AGBL4: variants seen among roughly 807,000 people sequenced by gnomAD.
AGBL4 encodes AGBL carboxypeptidase 4.
In AGBL4, 58 loss-of-function variants were observed where a neutral mutation model predicts 66.4. That is an observed-to-expected ratio of 0.87 (90% CI 0.71 to 1.09). The LOEUF (loss-of-function observed/expected upper bound fraction) is 1.09, where lower values mean the gene tolerates loss of function less well. Among genes scored for constraint, AGBL4 ranks in the 50% least tolerant of loss-of-function variants. AGBL4 has a pLI of 0.00. For synonymous variants in AGBL4, 234 were observed against 222.9 expected (o/e 1.05, Z -0.44); for missense variants, 579 against 631.0 (o/e 0.92, Z 0.88).
chr1:49,991,421 A>T (rs902117737), intron 1 of AGBL4, among the ~76,000 whole-genome samples: 8 of 152,192 alleles, frequency 5.3e-5, no homozygotes, highest in African/African-American at 1.9e-4. Context: ...ATATATTGCA[A>T]TCTTTATAAT....
At chr1:49,534,791 C>T (rs895618334) in intron 3 of AGBL4, among the ~76,000 whole-genome samples, 1 of 152,200 alleles carries the variant, frequency 6.6e-6, no homozygotes, top group African/African-American at 2.4e-5. Context: ...GTACAAAGGT[C>T]ACATTTCAGT....
chr1:48,522,925 CAA>C, the AGBL4 span, among the ~76,000 whole-genome samples: 1,238 of 133,590 alleles, frequency 9.3e-3, 10 homozygotes, highest in Non-Finnish European at 0.01. Flanking sequence ...GACTCCATCT[CAA>C]AAAAAAAAAA....
At chr1:49,876,940 C>T (rs1475800427) in intron 1 of AGBL4, among the ~76,000 whole-genome samples, 7 of 151,536 alleles carry the variant, frequency 4.6e-5, no homozygotes, top group Non-Finnish European at 8.8e-5. Context: ...GGAGTTCACT[C>T]ATTATTTGGC....
Position 48,534,051 on chromosome 1 carries a change from C to T in AGBL4, c.*122G>A, listed in dbSNP as rs1316415837. 2 of 1,434,538 alleles carry T rather than the reference C, an allele frequency of 1.4e-6. No homozygotes were observed. The highest frequency in any genetic ancestry group is 1.2e-5 in the South Asian group (1 of 80,828). 88.9% of individuals were successfully genotyped at this position (1,434,538 alleles called of 1,614,324 possible). A position where few individuals can be genotyped will look rare whatever the true frequency, so the allele number is the denominator to read the frequency against. Reference sequence around the variant, plus strand: ...ATGAAGTTTCTCATTGTATCCCTTCCCTTTCACTAGCCTATGCATTAATCC... The same window carrying T: ...ATGAAGTTTCTCATTGTATCCCTTCTCTTTCACTAGCCTATGCATTAATCC... On this transcript the variant is annotated 3_prime_UTR_variant, in exon 14 of 14. Coordinates refer to ENST00000371839, the MANE Select transcript of AGBL4 (RefSeq NM_032785.4).
chr1:49,186,224 C>G (rs767104786), intron 4 of AGBL4, among the ~76,000 whole-genome samples: 2 of 152,118 alleles, frequency 1.3e-5, no homozygotes, highest in African/African-American at 4.8e-5. Context: ...TCATATGCCC[C>G]TCTCCCTAGA....
intron 2 of AGBL4, among the ~76,000 whole-genome samples, chr1:49,772,040 G>T (rs1191623796): frequency 2.6e-5 from 4 of 151,944 alleles, no homozygotes; most frequent in African/African-American, 9.7e-5. Flanking sequence ...TTGTTTTGTA[G>T]ATCCCTTCTT....
intron 2 of AGBL4, chr1:49,841,745 T>G: frequency 3.5e-6 from 1 of 287,122 alleles, no homozygotes; most frequent in Non-Finnish European, 6.7e-6. Flanking sequence ...GCATTCAGTT[T>G]TATAAGGGAA....
At chr1:49,968,612 G>A (rs1657774834) in intron 1 of AGBL4, among the ~76,000 whole-genome samples, 1 of 152,126 alleles carries the variant, frequency 6.6e-6, no homozygotes, top group South Asian at 2.1e-4. Context: ...AGCCTCTACT[G>A]CAGCTAAGTT....
chr1:49,449,118 T>A (rs1646222951), intron 3 of AGBL4, among the ~76,000 whole-genome samples: 1 of 152,008 alleles, frequency 6.6e-6, no homozygotes, highest in Non-Finnish European at 1.5e-5. Flanking sequence ...ATAAACCTGA[T>A]GATATATATA....
chr1:49,754,351 G>T (rs1169614504), intron 2 of AGBL4, among the ~76,000 whole-genome samples: 5 of 151,264 alleles, frequency 3.3e-5, no homozygotes, highest in Non-Finnish European at 7.4e-5. Context: ...CATTGTGCAG[G>T]TTAGTTACAT....
At chr1:49,203,675 A>G (rs1647900302) in intron 4 of AGBL4, among the ~76,000 whole-genome samples, 1 of 152,178 alleles carries the variant, frequency 6.6e-6, no homozygotes, top group Non-Finnish European at 1.5e-5. Context: ...ATGGTGGCCC[A>G]TGCCTGTAAT....
intron 6 of AGBL4, chr1:48,776,900 G>A (rs1274142059): frequency 5.9e-6 from 6 of 1,009,534 alleles, no homozygotes; most frequent in Admixed American, 7.7e-5. Context: ...GTGGGGATCC[G>A]GCGGGGGGCG....
intron 9 of AGBL4, among the ~76,000 whole-genome samples, chr1:48,605,492 A>G (rs1444542983): frequency 6.6e-6 from 1 of 152,020 alleles, no homozygotes; most frequent in Non-Finnish European, 1.5e-5. Context: ...CCCTTCCTCT[A>G]AAGGCTTCCC....
intron 6 of AGBL4, among the ~76,000 whole-genome samples, chr1:48,718,006 T>G (rs1471358970): frequency 6.6e-6 from 1 of 152,232 alleles, no homozygotes; most frequent in Non-Finnish European, 1.5e-5. Flanking sequence ...TTCCTGATTC[T>G]AGGCTGGGGA....
At chr1:49,428,180 CT>C (rs1473285778) in intron 3 of AGBL4, among the ~76,000 whole-genome samples, 1 of 152,156 alleles carries the variant, frequency 6.6e-6, no homozygotes, top group Non-Finnish European at 1.5e-5. Flanking sequence ...TAGTTACTAA[CT>C]TTTTTTCCAC....
intron 5 of AGBL4, among the ~76,000 whole-genome samples, chr1:48,879,514 T>G (rs1649557242): frequency 1.3e-5 from 2 of 150,746 alleles, no homozygotes; most frequent in South Asian, 4.1e-4. Context: ...TTTATTGAAC[T>G]GCTTTTATTT....
At chr1:48,746,101 CTTG>C (rs1248558206) in intron 6 of AGBL4, among the ~76,000 whole-genome samples, 3 of 152,136 alleles carry the variant, frequency 2.0e-5, no homozygotes, top group Admixed American at 6.5e-5. Flanking sequence ...CCTCTCTGAT[CTTG>C]TTGTGTCACC....
chr1:48,721,801 C>G (rs1647154689), intron 6 of AGBL4, among the ~76,000 whole-genome samples: 1 of 152,188 alleles, frequency 6.6e-6, no homozygotes, highest in Non-Finnish European at 1.5e-5. Context: ...TGCTCTCCCT[C>G]CATCTGTAGG....
At chr1:48,805,436 G>T (rs1276954300) in intron 6 of AGBL4, among the ~76,000 whole-genome samples, 3 of 152,088 alleles carry the variant, frequency 2.0e-5, no homozygotes, top group Non-Finnish European at 1.5e-5. Context: ...CCCTGGTTTG[G>T]GGAATCTAAA....
Sources: gnomAD v4.1 joint callset for allele counts (sites outside exome capture counted in the v4.1 genomes callset) on GRCh38, gnomAD v4.1.1 for gene constraint, MANE v1.5 for transcripts, NCBI Gene and HGNC (gene_info 2026-07-23, HGNC 2026-07-21) for gene names.